Variants in DYNC1I2 observed in about 807,000 individuals in gnomAD.
The protein encoded by DYNC1I2 is cytoplasmic dynein 1 intermediate chain 2.
Under a neutral mutation model 88.6 loss-of-function variants are expected in DYNC1I2, and 53 were observed. That is an observed-to-expected ratio of 0.60 (90% CI 0.48 to 0.75). The LOEUF (loss-of-function observed/expected upper bound fraction) is 0.75. DYNC1I2 is among the 30% of genes least tolerant of loss of function. The pLI is 0.00. For synonymous variants in DYNC1I2, 198 were observed against 254.6 expected (o/e 0.78, Z 2.12); for missense variants, 458 against 766.6 (o/e 0.60, Z 4.75).
rs747527513 is a variant in DYNC1I2, at chr2:171,728,763, C to T, written c.1304C>T (p.Thr435Ile). Reference sequence around the variant, plus strand: ...AAACAGTCAAAAGCAGTAGCTGTGACATCTATGTCCTTCCCTGTTGGAGAT... The same window carrying T: ...AAACAGTCAAAAGCAGTAGCTGTGATATCTATGTCCTTCCCTGTTGGAGAT... ...VHKQSKAVAV[T>I]SMSFPVGDVN... Residue 435 changes from threonine to isoleucine, a missense_variant, in exon 14 of 18, where the codon ACA becomes ATA. Physicochemically the swap from Thr to Ile is moderately conservative, Grantham distance 89. Transcript: ENST00000397119. The T allele has an allele frequency of 2.1e-5, 34 of 1,609,608 alleles. No individual in the cohort carries two copies. The highest frequency in any genetic ancestry group is 2.8e-5 in the Non-Finnish European group (33 of 1,178,126).
intron 12 of DYNC1I2, 103 bp from the exon 13 acceptor site, chr2:171,728,202 A>G (rs1255952908): frequency 2.7e-6 from 2 of 752,770 alleles, no homozygotes; most frequent in Non-Finnish European, 4.1e-6. Flanking sequence ...AATACCCACA[A>G]GTTATGAGAC....
At chr2:171,694,434 G>C in intron 3 of DYNC1I2, among the ~76,000 whole-genome samples, 1 of 152,084 alleles carries the variant, frequency 6.6e-6, no homozygotes, top group Non-Finnish European at 1.5e-5. Context: ...GAGGTGGGCG[G>C]ATCACCTGAG....
At chr2:171,700,636 T>A (rs1686180330) in intron 3 of DYNC1I2, among the ~76,000 whole-genome samples, 1 of 143,362 alleles carries the variant, frequency 7.0e-6, no homozygotes, top group Non-Finnish European at 1.5e-5. Flanking sequence ...TTGTTTTTTG[T>A]TTTTTGTTTT....
chr2:171,741,139 T>C (rs1352005294), intron 15 of DYNC1I2, among the ~76,000 whole-genome samples: 1 of 152,240 alleles, frequency 6.6e-6, no homozygotes, highest in Non-Finnish European at 1.5e-5. Flanking sequence ...TGTATCAATG[T>C]ATTGTTCCTT....
At chr2:171,745,760 G>A (rs779617052) in intron 16 of DYNC1I2, 42 bp from the exon 17 acceptor site, 1 of 1,577,722 alleles carries the variant, frequency 6.3e-7, no homozygotes, top group African/African-American at 1.4e-5. Flanking sequence ...TAGAAATCTT[G>A]ATGAAACTTT....
At position 171,726,910 on chromosome 2, in the gene DYNC1I2, C is replaced by T. The variant is rs1340725090; in HGVS notation, c.990C>T (p.His330=). 1 of 1,607,988 alleles carries T rather than the reference C, an allele frequency of 6.2e-7. No individual in the cohort carries two copies. Among genetic ancestry groups the T allele is most frequent in the Non-Finnish European group, 8.5e-7 (1 of 1,177,246 alleles). Residue 330 remains histidine, a synonymous_variant, in exon 11 of 18, where the codon CAC becomes CAT. Transcript: ENST00000397119. ...AAACTACCCCAGAGTATGTGTTTCA[C>T]TGCCAGGTATGGTGGTCTTTTAACA... ...YKKTTPEYVF[H]CQSAVMSATF... is the part of the protein sequence containing the mutation.
intron 7 of DYNC1I2, among the ~76,000 whole-genome samples, chr2:171,719,781 A>T (rs1181561216): frequency 6.6e-6 from 1 of 151,542 alleles, no homozygotes; most frequent in Non-Finnish European, 1.5e-5. Context: ...TTTCCAGTTT[A>T]CTCTGTAAGT....
intron 3 of DYNC1I2, among the ~76,000 whole-genome samples, chr2:171,699,785 TATCACTA>T (rs970714323): frequency 6.6e-6 from 1 of 151,404 alleles, no homozygotes; most frequent in African/African-American, 2.4e-5. Flanking sequence ...TACAGGCAGG[TATCACTA>T]TGCCTGGCTA....
intron 15 of DYNC1I2, among the ~76,000 whole-genome samples, chr2:171,741,809 C>T (rs1032830926): frequency 3.3e-5 from 5 of 152,058 alleles, no homozygotes; most frequent in Non-Finnish European, 7.4e-5. Context: ...TGGCCAGGCA[C>T]GGTGGCTCAC....
At chr2:171,746,547 C>G (rs891076557) in intron 17 of DYNC1I2, among the ~76,000 whole-genome samples, 2 of 152,086 alleles carry the variant, frequency 1.3e-5, no homozygotes, top group Non-Finnish European at 2.9e-5. Context: ...GATTTCTCTC[C>G]TCTCTGGATA....
chr2:171,707,278 A>C lies in DYNC1I2; in HGVS notation c.245-9A>C, dbSNP rs772069714. Reference sequence around the variant, plus strand: ...GTAACAGCGGATACCTGTCTATTTCACTATTTAGTCCCTCCTCCTATGTCT... The same window carrying C: ...GTAACAGCGGATACCTGTCTATTTCCCTATTTAGTCCCTCCTCCTATGTCT... On this transcript the variant is annotated splice_polypyrimidine_tract_variant and intron_variant, in intron 4 of 17. Coordinates refer to ENST00000397119, the MANE Select transcript of DYNC1I2 (RefSeq NM_001378.3). The C allele has an allele frequency of 2.5e-5, 40 of 1,613,550 alleles. No homozygotes were observed. The Admixed American group carries it at 6.7e-4, about 27-fold the overall frequency.
intron 3 of DYNC1I2, among the ~76,000 whole-genome samples, chr2:171,700,611 A>G (rs1442596651): frequency 6.6e-6 from 1 of 151,922 alleles, no homozygotes; most frequent in African/African-American, 2.4e-5. Flanking sequence ...CCAGCTTTCA[A>G]TTACCCTAGT....
At chr2:171,728,146 C>T (rs1363075209) in intron 12 of DYNC1I2, among the ~76,000 whole-genome samples, 159 bp from the exon 13 acceptor site, 2 of 151,836 alleles carry the variant, frequency 1.3e-5, no homozygotes, top group African/African-American at 2.4e-5. Flanking sequence ...AGAAACTCAT[C>T]TCTCTTCTGC....
intron 3 of DYNC1I2, among the ~76,000 whole-genome samples, chr2:171,702,048 A>G (rs1233516490): frequency 6.6e-6 from 1 of 152,200 alleles, no homozygotes; most frequent in African/African-American, 2.4e-5. Flanking sequence ...TTAGCTTATG[A>G]TATCTATTTG....
chr2:171,726,265 T>A lies in DYNC1I2; in HGVS notation c.842T>A (p.Val281Glu). ...GACGAACGTTGGTCAAAGCATCGGG[T>A]GGTTAGTTGTTTGGATTGGTCATCT... ...FFDERWSKHR[V>E]VSCLDWSSQY... The change falls in exon 10 of 18, where the codon GTG (valine) becomes GAG (glutamate). Residue 281 changes from valine (V) to glutamate (E), a missense_variant. Val to Glu is a moderately radical substitution (Grantham distance 121). Coordinates refer to ENST00000397119, the MANE Select transcript of DYNC1I2 (RefSeq NM_001378.3). 2 of 1,611,734 alleles carry A rather than the reference T, an allele frequency of 1.2e-6. No homozygotes were observed. Among genetic ancestry groups the A allele is most frequent in the Non-Finnish European group, 1.7e-6 (2 of 1,179,266 alleles).
chr2:171,739,697 T>TCTC (rs1491211926), intron 15 of DYNC1I2, among the ~76,000 whole-genome samples: 1 of 19,800 alleles, frequency 5.1e-5, no homozygotes, highest in African/African-American at 1.1e-4. Flanking sequence ...GACATATCTC[T>TCTC]TTTTTTTTTT....
chr2:171,728,025 T>G, intron 12 of DYNC1I2, 58 bp downstream of exon 12: 1 of 1,539,612 alleles, frequency 6.5e-7, no homozygotes, highest in Admixed American at 2.0e-5. Flanking sequence ...TTAGCTATAA[T>G]ACTTAGTAGT....
At chr2:171,719,375 G>GA (rs917023139) in intron 7 of DYNC1I2, among the ~76,000 whole-genome samples, 27 of 152,174 alleles carry the variant, frequency 1.8e-4, no homozygotes, top group African/African-American at 5.8e-4. Context: ...GAAGGAAAGA[G>GA]AAAAACCTTG....
chr2:171,689,134 A>G (rs1685193893), intron 1 of DYNC1I2, among the ~76,000 whole-genome samples: 1 of 152,170 alleles, frequency 6.6e-6, no homozygotes, highest in Admixed American at 6.5e-5. Context: ...GCCAGTGTCA[A>G]TTGTAATGTT....
Sources: allele counts gnomAD v4.1 joint callset (sites outside exome capture counted in the v4.1 genomes callset), GRCh38; gene constraint gnomAD v4.1.1; transcripts MANE v1.5; gene names NCBI Gene and HGNC (gene_info 2026-07-23, HGNC 2026-07-21).